Variants in DLGAP2 observed in about 807,000 individuals in gnomAD.
DLGAP2 encodes DLG associated protein 2, also known as disks large-associated protein 2.
A neutral mutation model predicts 100.3 loss-of-function variants in DLGAP2; 26 were observed. The observed-to-expected ratio is 0.26, with a 90% CI of 0.19 to 0.36. DLGAP2 has a LOEUF of 0.36. Among genes scored for constraint, DLGAP2 ranks in the 10% least tolerant of loss-of-function variants. The probability of loss-of-function intolerance (pLI) is 1.00; values close to 1 mark genes in which losing one functional copy is unlikely to be tolerated. For missense variants in DLGAP2, 1,858 were observed against 1,453.2 expected (o/e 1.28, Z -4.53); for synonymous variants, 886 against 630.1 (o/e 1.41, Z -6.08).
chr8:1,092,409 G>A (rs182082522), intron 2 of DLGAP2, among the ~76,000 whole-genome samples: 17 of 152,338 alleles, frequency 1.1e-4, no homozygotes, highest in African/African-American at 3.4e-4. Flanking sequence ...CAGCGATCCC[G>A]GGGCTGGCTT....
chr8:1,524,611 G>A (rs1043875210), intron 4 of DLGAP2, among the ~76,000 whole-genome samples: 3 of 152,002 alleles, frequency 2.0e-5, no homozygotes, highest in African/African-American at 7.3e-5. Context: ...ATCCCTCCGT[G>A]CGTTTTTGTG....
chr8:1,464,480 C>G (rs1156782914), intron 3 of DLGAP2, among the ~76,000 whole-genome samples: 2 of 151,388 alleles, frequency 1.3e-5, no homozygotes, highest in East Asian at 2.0e-4. Context: ...CCAAAGCCAC[C>G]TTCCAGGACA....
chr8:1,660,545 A>ATC (rs1162033734), intron 8 of DLGAP2, among the ~76,000 whole-genome samples: 1 of 152,234 alleles, frequency 6.6e-6, no homozygotes, highest in Admixed American at 6.5e-5. Flanking sequence ...TGCGTCTGGT[A>ATC]TCTGCATACC....
intron 3 of DLGAP2, among the ~76,000 whole-genome samples, chr8:1,337,292 GTGA>G (rs896993034): frequency 2.1e-5 from 3 of 144,064 alleles, no homozygotes; most frequent in East Asian, 2.1e-4. Context: ...GGTGGCGATG[GTGA>G]TGATGAGGAT....
At chr8:1,183,437 A>C (rs1563237072) in intron 2 of DLGAP2, among the ~76,000 whole-genome samples, 1 of 152,214 alleles carries the variant, frequency 6.6e-6, no homozygotes, top group Non-Finnish European at 1.5e-5. Context: ...AGTTGACATT[A>C]CTGATCTATA....
At chr8:977,728 C>T (rs35577209) in intron 2 of DLGAP2, among the ~76,000 whole-genome samples, 32,218 of 111,806 alleles carry the variant, frequency 0.29, 4,306 homozygotes, top group Admixed American at 0.41. Context: ...GTGGGGAGGG[C>T]GTCGGGGATG....
At chr8:1,162,829 C>G (rs1186334413) in intron 2 of DLGAP2, among the ~76,000 whole-genome samples, 1 of 152,182 alleles carries the variant, frequency 6.6e-6, no homozygotes, top group African/African-American at 2.4e-5. Context: ...TCGGGAGGTC[C>G]CCTGGGTGCT....
At chr8:785,149 G>A (rs1178602242) in intron 1 of DLGAP2, among the ~76,000 whole-genome samples, 1 of 144,738 alleles carries the variant, frequency 6.9e-6, no homozygotes, top group East Asian at 2.3e-4. Flanking sequence ...CCTGGGAGGC[G>A]GAGTTTGCAG....
chr8:1,204,601 C>G (rs1015897909), intron 2 of DLGAP2, among the ~76,000 whole-genome samples: 43 of 152,010 alleles, frequency 2.8e-4, no homozygotes, highest in African/African-American at 9.7e-4. Flanking sequence ...AATTTTGAGG[C>G]CTGAAGGACA....
At chr8:941,687 C>G (rs549892429) in intron 2 of DLGAP2, among the ~76,000 whole-genome samples, 77 of 152,300 alleles carry the variant, frequency 5.1e-4, no homozygotes, top group Non-Finnish European at 1.0e-3. Context: ...GCAGCTGTGT[C>G]CCCTCTATGT....
At chr8:1,600,042 C>T (rs1426585978) in intron 6 of DLGAP2, among the ~76,000 whole-genome samples, 2 of 152,144 alleles carry the variant, frequency 1.3e-5, no homozygotes, top group Non-Finnish European at 2.9e-5. Flanking sequence ...GTGGTTCCTT[C>T]AGGAGCTCTT....
chr8:1,313,184 G>A (rs1800652759), intron 3 of DLGAP2, among the ~76,000 whole-genome samples: 1 of 152,166 alleles, frequency 6.6e-6, no homozygotes, highest in African/African-American at 2.4e-5. Context: ...AAACAAAACA[G>A]GCCAGAAACC....
intron 5 of DLGAP2, among the ~76,000 whole-genome samples, chr8:1,550,772 G>T (rs1801739261): frequency 6.6e-6 from 1 of 152,196 alleles, no homozygotes; most frequent in Non-Finnish European, 1.5e-5. Flanking sequence ...TGAGTTTACT[G>T]GAGAAGCTCT....
chr8:1,212,826 G>C (rs13266215), intron 2 of DLGAP2, among the ~76,000 whole-genome samples: 3 of 133,948 alleles, frequency 2.2e-5, no homozygotes, highest in African/African-American at 8.2e-5. Context: ...TCATGTTTCT[G>C]AATAAGAATG....
intron 3 of DLGAP2, among the ~76,000 whole-genome samples, chr8:1,388,048 C>T (rs971697501): frequency 5.3e-5 from 8 of 152,310 alleles, no homozygotes; most frequent in Admixed American, 4.6e-4. Flanking sequence ...CCAGTGCGTG[C>T]GGGCTGGGGC....
At chr8:1,591,875 T>C (rs1447561723) in intron 6 of DLGAP2, among the ~76,000 whole-genome samples, 2 of 152,140 alleles carry the variant, frequency 1.3e-5, no homozygotes, top group East Asian at 3.9e-4. Context: ...TGACATGAAC[T>C]ACAAACTCCC....
At chr8:881,686 T>TC (rs977101023) in intron 1 of DLGAP2, among the ~76,000 whole-genome samples, 2 of 59,950 alleles carry the variant, frequency 3.3e-5, no homozygotes, top group Non-Finnish European at 8.9e-5. Context: ...CACACACTTT[T>TC]TTTTTTTTTT....
At chr8:944,660 G>A (rs892218560) in intron 2 of DLGAP2, among the ~76,000 whole-genome samples, 1 of 152,120 alleles carries the variant, frequency 6.6e-6, no homozygotes, top group Non-Finnish European at 1.5e-5. Flanking sequence ...TGATCCAGTG[G>A]GTGGTAATGA....
chr8:977,315 C>A (rs1563124310), intron 2 of DLGAP2, among the ~76,000 whole-genome samples: 1 of 152,184 alleles, frequency 6.6e-6, no homozygotes, highest in Non-Finnish European at 1.5e-5. Context: ...AGAGCACCTC[C>A]CATGTTCTTC....
Sources: allele counts gnomAD v4.1 joint callset (sites outside exome capture counted in the v4.1 genomes callset), GRCh38; gene constraint gnomAD v4.1.1; transcripts MANE v1.5; gene names NCBI Gene and HGNC (gene_info 2026-07-23, HGNC 2026-07-21).